NIPAL2: variants seen among roughly 807,000 people sequenced by gnomAD.
NIPAL2 encodes NIPA like domain containing 2, also known as NIPA-like protein 2.
NIPAL2 carries 43 observed loss-of-function variants against 48.9 expected under a neutral mutation model. The ratio of observed to expected loss-of-function variants is 0.88; its 90% CI spans 0.69 to 1.13. The LOEUF is 1.13. Ranked by LOEUF, NIPAL2 falls within the 50% of genes most tolerant of loss-of-function variation. The pLI, the probability that NIPAL2 is intolerant of heterozygous loss-of-function variation, is 0.00. For synonymous variants in NIPAL2, 167 were observed against 174.6 expected, an observed-to-expected ratio of 0.96 and a Z score of 0.34; for missense variants, 446 against 461.4, an observed-to-expected ratio of 0.97 and a Z score of 0.31.
At chr8:98,223,734 G>T (rs1368253909) in intron 4 of NIPAL2, among the ~76,000 whole-genome samples, 2 of 152,182 alleles carry the variant, frequency 1.3e-5, no homozygotes, top group Non-Finnish European at 2.9e-5. Flanking sequence ...GAGCTACAAG[G>T]AAGTTTCCTA....
At chr8:98,283,311 C>T (rs1815963063) in intron 1 of NIPAL2, among the ~76,000 whole-genome samples, 1 of 152,124 alleles carries the variant, frequency 6.6e-6, no homozygotes, top group Admixed American at 6.5e-5. Context: ...AAAAGCAATA[C>T]ATTTAATAAC....
intron 5 of NIPAL2, among the ~76,000 whole-genome samples, chr8:98,220,732 C>G (rs1298954024): frequency 6.6e-6 from 1 of 152,032 alleles, no homozygotes; most frequent in Non-Finnish European, 1.5e-5. Context: ...GATTTCGCAA[C>G]CATTTTACCA....
At chr8:98,193,243 G>A (rs996278071) in intron 10 of NIPAL2, 153 bp from the exon 11 acceptor site, 2 of 1,087,716 alleles carry the variant, frequency 1.8e-6, no homozygotes, top group African/African-American at 1.6e-5. Context: ...AGGAAGAAAA[G>A]GCCCTTGAAA....
chr8:98,219,713 G>A (rs1027204114), intron 5 of NIPAL2, among the ~76,000 whole-genome samples: 1 of 152,124 alleles, frequency 6.6e-6, no homozygotes, highest in African/African-American at 2.4e-5. Flanking sequence ...CTTGGACTGT[G>A]TCTGCAACCT....
At chr8:98,271,122 G>C (rs1362264526) in intron 1 of NIPAL2, among the ~76,000 whole-genome samples, 1 of 152,086 alleles carries the variant, frequency 6.6e-6, no homozygotes, top group Non-Finnish European at 1.5e-5. Flanking sequence ...TTTGAAGTTG[G>C]GTAAGGTGAT....
intron 1 of NIPAL2, among the ~76,000 whole-genome samples, chr8:98,279,418 C>T (rs1488953406): frequency 6.6e-6 from 1 of 152,200 alleles, no homozygotes; most frequent in Admixed American, 6.5e-5. Context: ...TAGTTTACAT[C>T]ATTACTTATT....
intron 1 of NIPAL2, among the ~76,000 whole-genome samples, chr8:98,266,969 C>G (rs1157748484): frequency 6.7e-6 from 1 of 150,066 alleles, no homozygotes; most frequent in African/African-American, 2.5e-5. Flanking sequence ...ATAAATGGTT[C>G]CTTTAAAAAA....
chr8:98,203,846 C>CTGTG (rs143170810), intron 7 of NIPAL2, among the ~76,000 whole-genome samples: 9,681 of 146,754 alleles, frequency 0.066, 604 homozygotes, highest in African/African-American at 0.16. Flanking sequence ...TGGGTAGAGC[C>CTGTG]TGTGTGTGTG....
At chr8:98,258,092 T>A (rs1814017724) in intron 1 of NIPAL2, among the ~76,000 whole-genome samples, 1 of 152,250 alleles carries the variant, frequency 6.6e-6, no homozygotes, top group Admixed American at 6.5e-5. Flanking sequence ...TACTTTTGTC[T>A]ACAACCTTGA....
chr8:98,247,749 T>C (rs1813383514), intron 3 of NIPAL2, among the ~76,000 whole-genome samples: 1 of 152,168 alleles, frequency 6.6e-6, no homozygotes, highest in Non-Finnish European at 1.5e-5. Flanking sequence ...GTAAGTCTGT[T>C]TAATTACCTT....
At chr8:98,279,961 C>T (rs548000249) in intron 1 of NIPAL2, among the ~76,000 whole-genome samples, 1 of 152,162 alleles carries the variant, frequency 6.6e-6, no homozygotes, top group Admixed American at 6.5e-5. Flanking sequence ...GAATGAGGTT[C>T]AAAATAGCAG....
chr8:98,195,794 A>G (rs1810514697), intron 9 of NIPAL2, 148 bp downstream of exon 9: 2 of 567,980 alleles, frequency 3.5e-6, no homozygotes, highest in Non-Finnish European at 6.3e-6. Context: ...TTAGGGCCTT[A>G]AGTTAAAAAA....
chr8:98,240,433 C>T (rs1586377864), intron 3 of NIPAL2, among the ~76,000 whole-genome samples: 1 of 152,280 alleles, frequency 6.6e-6, no homozygotes, highest in East Asian at 1.9e-4. Context: ...ATTTTCCCAG[C>T]CAAAACTCAC....
At chr8:98,227,088 C>A (rs144138818) in intron 4 of NIPAL2, among the ~76,000 whole-genome samples, 32 of 152,118 alleles carry the variant, frequency 2.1e-4, no homozygotes, top group African/African-American at 5.5e-4. Context: ...ACATAAGGCC[C>A]AAAGGCTCTT....
intron 3 of NIPAL2, among the ~76,000 whole-genome samples, chr8:98,239,244 T>C (rs1434615339): frequency 2.0e-5 from 3 of 152,218 alleles, no homozygotes; most frequent in Non-Finnish European, 4.4e-5. Context: ...AGAATTTGTT[T>C]GTCTATTCAC....
At chr8:98,242,495 T>TTTTTTTTTTTA (rs1813045282) in intron 3 of NIPAL2, among the ~76,000 whole-genome samples, 2 of 61,074 alleles carry the variant, frequency 3.3e-5, no homozygotes, top group Admixed American at 4.0e-4. Flanking sequence ...CAGATTTTTT[T>TTTTTTTTTTTA]TTTTTTTTTT....
At chr8:98,262,638 A>G (rs1164659443) in intron 1 of NIPAL2, among the ~76,000 whole-genome samples, 1 of 150,838 alleles carries the variant, frequency 6.6e-6, no homozygotes, top group Non-Finnish European at 1.5e-5. Context: ...GCAAGTCCTG[A>G]GTGACCTACA....
intron 1 of NIPAL2, among the ~76,000 whole-genome samples, chr8:98,279,481 C>T (rs747370828): frequency 5.3e-4 from 81 of 152,300 alleles, no homozygotes; most frequent in Non-Finnish European, 8.4e-4. Context: ...GTTTAAACAT[C>T]TCTCTCTTTC....
At chr8:98,205,462 T>A (rs1194424209) in intron 6 of NIPAL2, among the ~76,000 whole-genome samples, 1 of 151,576 alleles carries the variant, frequency 6.6e-6, no homozygotes, top group Non-Finnish European at 1.5e-5. Context: ...GCTAAAGATC[T>A]GCTGTGTGAC....
Sources: allele counts gnomAD v4.1 joint callset (sites outside exome capture counted in the v4.1 genomes callset), GRCh38; gene constraint gnomAD v4.1.1; transcripts MANE v1.5; gene names NCBI Gene and HGNC (gene_info 2026-07-23, HGNC 2026-07-21).